The following PTPRD variants were observed in gnomAD, a reference collection of about 807,000 sequenced individuals.
PTPRD encodes receptor-type tyrosine-protein phosphatase delta.
Under a neutral mutation model 214.5 loss-of-function variants are expected in PTPRD, and 34 were observed. That is an observed-to-expected ratio of 0.16 (90% CI 0.12 to 0.21). The LOEUF is 0.21. PTPRD is among the 10% of genes least tolerant of loss of function. The pLI is 1.00. For synonymous variants in PTPRD, 1,128 were observed against 845.7 expected (o/e 1.33, Z -5.79); for missense variants, 2,545 against 2,398.7 (o/e 1.06, Z -1.27).
chr9:9,101,393 C>A (rs1173589124), intron 10 of PTPRD, among the ~76,000 whole-genome samples: 1 of 152,030 alleles, frequency 6.6e-6, no homozygotes, highest in Non-Finnish European at 1.5e-5. Context: ...TTTCTGGCAG[C>A]TCTATAAAAA....
chr9:9,338,964 T>A (rs1310556989), intron 9 of PTPRD, among the ~76,000 whole-genome samples: 2 of 151,826 alleles, frequency 1.3e-5, no homozygotes, highest in East Asian at 1.9e-4. Context: ...ATGAGAAAAA[T>A]CGCAAGATTC....
At chr9:9,307,900 C>T (rs1957636347) in intron 9 of PTPRD, among the ~76,000 whole-genome samples, 1 of 152,112 alleles carries the variant, frequency 6.6e-6, no homozygotes, top group South Asian at 2.1e-4. Flanking sequence ...TGTTTGCCTC[C>T]ACAGCGACTT....
At chr9:8,477,460 T>C (rs1429794461) in intron 30 of PTPRD, among the ~76,000 whole-genome samples, 1 of 152,200 alleles carries the variant, frequency 6.6e-6, no homozygotes, top group Non-Finnish European at 1.5e-5. Context: ...CCCATAATTA[T>C]ATGAGAAGGC....
At chr9:9,501,578 T>C (rs1422271093) in intron 8 of PTPRD, among the ~76,000 whole-genome samples, 4 of 151,920 alleles carry the variant, frequency 2.6e-5, no homozygotes, top group Non-Finnish European at 5.9e-5. Flanking sequence ...AGTTAATGTA[T>C]ATCAACTATG....
intron 9 of PTPRD, among the ~76,000 whole-genome samples, chr9:9,326,332 G>T (rs767630357): frequency 6.6e-6 from 1 of 152,220 alleles, no homozygotes; most frequent in East Asian, 1.9e-4. Flanking sequence ...ATTACCTATG[G>T]ATTGAGAGAA....
At chr9:10,036,674 T>C (rs2097188848) in intron 3 of PTPRD, among the ~76,000 whole-genome samples, 1 of 152,126 alleles carries the variant, frequency 6.6e-6, no homozygotes, top group South Asian at 2.1e-4. Context: ...AACCTCCACC[T>C]CCTGGGTTCA....
At chr9:9,080,049 AAT>A (rs1464330972) in intron 10 of PTPRD, among the ~76,000 whole-genome samples, 2 of 152,068 alleles carry the variant, frequency 1.3e-5, no homozygotes, top group African/African-American at 4.8e-5. Context: ...GATCATGTAG[AAT>A]TCTGGGTTTA....
chr9:8,357,336 C>T (rs909589894), intron 39 of PTPRD, among the ~76,000 whole-genome samples: 2 of 152,160 alleles, frequency 1.3e-5, no homozygotes, highest in Non-Finnish European at 2.9e-5. Context: ...ATTTTAGCAG[C>T]TCACCAAGAG....
At chr9:8,997,387 A>G (rs1469934497) in intron 11 of PTPRD, among the ~76,000 whole-genome samples, 1 of 152,074 alleles carries the variant, frequency 6.6e-6, no homozygotes, top group Non-Finnish European at 1.5e-5. Flanking sequence ...TTTTCACAAT[A>G]TTTCAAACTC....
chr9:9,729,864 C>T (rs1325100747), intron 7 of PTPRD, among the ~76,000 whole-genome samples: 1 of 151,966 alleles, frequency 6.6e-6, no homozygotes, highest in Non-Finnish European at 1.5e-5. Flanking sequence ...AAATTTACAT[C>T]AGGATAGCAT....
chr9:8,904,898 A>AT (rs1339398599), intron 11 of PTPRD, among the ~76,000 whole-genome samples: 4 of 152,072 alleles, frequency 2.6e-5, no homozygotes, highest in Admixed American at 6.6e-5. Flanking sequence ...ACACACACAC[A>AT]TTTTTCCACT....
intron 3 of PTPRD, among the ~76,000 whole-genome samples, chr9:10,111,717 A>T (rs1332068648): frequency 6.6e-6 from 1 of 152,196 alleles, no homozygotes; most frequent in Admixed American, 6.5e-5. Flanking sequence ...TGTAATAAAA[A>T]TATCATGGAT....
At chr9:9,572,231 T>A (rs1479497291) in intron 8 of PTPRD, among the ~76,000 whole-genome samples, 1 of 151,342 alleles carries the variant, frequency 6.6e-6, no homozygotes, top group African/African-American at 2.4e-5. Flanking sequence ...AAGCCATTAT[T>A]TTTGGTGTTT....
At chr9:9,168,220 C>A (rs965125654) in intron 10 of PTPRD, among the ~76,000 whole-genome samples, 1 of 152,016 alleles carries the variant, frequency 6.6e-6, no homozygotes, top group South Asian at 2.1e-4. Context: ...GGTCTATGGC[C>A]CTTTACAGTA....
intron 3 of PTPRD, among the ~76,000 whole-genome samples, chr9:10,230,912 T>C (rs1318541659): frequency 6.6e-6 from 1 of 152,016 alleles, no homozygotes; most frequent in Non-Finnish European, 1.5e-5. Context: ...TTTATGCTAA[T>C]AACTCTAGGC....
chr9:9,706,683 G>A (rs1293140848), intron 7 of PTPRD, among the ~76,000 whole-genome samples: 2 of 151,904 alleles, frequency 1.3e-5, no homozygotes, highest in East Asian at 1.9e-4. Context: ...CAGGTGATCC[G>A]TCTGCCTCAG....
chr9:9,421,786 G>A (rs138596675), intron 8 of PTPRD, among the ~76,000 whole-genome samples: 15 of 152,042 alleles, frequency 9.9e-5, no homozygotes, highest in African/African-American at 1.4e-4. Context: ...TGACACTGGC[G>A]TCTCAGCAGT....
intron 9 of PTPRD, among the ~76,000 whole-genome samples, chr9:9,211,515 GCACACACACACACACA>G (rs36213005): frequency 1.0e-4 from 15 of 143,542 alleles, no homozygotes; most frequent in East Asian, 2.1e-4. Flanking sequence ...GTGTGCGCAC[GCACACACACACACACA>G]CACACACACA....
At position 9,177,566 on chromosome 9, in the gene PTPRD, A is replaced by G. The variant is rs553917825; in HGVS notation, c.-143+5738T>C. On this transcript the variant is annotated intron_variant, in intron 10 of 45. Coordinates refer to ENST00000381196, the MANE Select transcript of PTPRD (RefSeq NM_002839.4). ...TTTTTTGTCATTATGAACTCAAATT[A>G]AACTTAATTTTAAAATGATTATGTC... Among the ~76,000 whole-genome samples the G allele has an allele frequency of 2.0e-5, 3 of 152,276 alleles. No individual in the cohort carries two copies. In the South Asian group the frequency reaches 6.2e-4, roughly 32 times the overall value.
Sources: gnomAD v4.1 joint callset for allele counts (sites outside exome capture counted in the v4.1 genomes callset) on GRCh38, gnomAD v4.1.1 for gene constraint, MANE v1.5 for transcripts, NCBI Gene and HGNC (gene_info 2026-07-23, HGNC 2026-07-21) for gene names.